Variants in OSMR observed in about 807,000 individuals in gnomAD.
OSMR encodes oncostatin-M-specific receptor subunit beta.
In OSMR, 81 loss-of-function variants were observed where a neutral mutation model predicts 99.9. The ratio of observed to expected loss-of-function variants is 0.81; its 90% CI spans 0.68 to 0.97. The LOEUF is 0.97. OSMR is among the 50% of genes least tolerant of loss of function. OSMR has a pLI of 0.00. For synonymous variants in OSMR, 406 were observed against 410.4 expected (o/e 0.99, Z 0.13); for missense variants, 1,099 against 1,153.4 (o/e 0.95, Z 0.68).
At chr5:38,899,034 C>T (rs1367398178) in intron 7 of OSMR, among the ~76,000 whole-genome samples, 2 of 137,206 alleles carry the variant, frequency 1.5e-5, no homozygotes, top group East Asian at 4.4e-4. Context: ...GATTTTAGCT[C>T]ACTGCAACCT....
intron 2 of OSMR, among the ~76,000 whole-genome samples, chr5:38,873,636 G>A (rs1742562631): frequency 1.3e-5 from 2 of 151,988 alleles, no homozygotes; most frequent in Admixed American, 6.6e-5. Flanking sequence ...CCACATCCTC[G>A]CCAACACTTG....
chr5:38,848,124 A>G (rs1255056843), intron 1 of OSMR, among the ~76,000 whole-genome samples: 2 of 152,178 alleles, frequency 1.3e-5, no homozygotes, highest in Non-Finnish European at 2.9e-5. Context: ...CCTTGTGGGA[A>G]AGGACTGGGG....
intron 16 of OSMR, 42 bp downstream of exon 16, chr5:38,932,006 G>C: frequency 2.2e-6 from 3 of 1,372,506 alleles, no homozygotes; most frequent in Non-Finnish European, 3.1e-6. Context: ...GAGAGTAAGA[G>C]AAAAGTCTGG....
intron 1 of OSMR, among the ~76,000 whole-genome samples, chr5:38,852,468 A>G (rs1044304004): frequency 6.6e-6 from 1 of 152,100 alleles, no homozygotes; most frequent in Non-Finnish European, 1.5e-5. Flanking sequence ...AGGTATTAAG[A>G]CCTTTTTAAA....
At chr5:38,944,019 G>A (rs1053328217) in intron 1 of OSMR, among the ~76,000 whole-genome samples, 7 of 152,088 alleles carry the variant, frequency 4.6e-5, no homozygotes, top group African/African-American at 1.4e-4. Flanking sequence ...GCTTATTTTT[G>A]TGTGGGTTAC....
intron 15 of OSMR, among the ~76,000 whole-genome samples, chr5:38,927,580 G>A (rs998789567): frequency 1.4e-4 from 22 of 152,152 alleles, no homozygotes; most frequent in Admixed American, 2.6e-4. Context: ...GTCCTGAGGC[G>A]GCACAGAGCA....
At chr5:38,882,568 C>G (rs1047035618) in intron 4 of OSMR, among the ~76,000 whole-genome samples, 1 of 151,866 alleles carries the variant, frequency 6.6e-6, no homozygotes, top group African/African-American at 2.4e-5. Flanking sequence ...GGGCAAGATT[C>G]TGTCTCTCAC....
intron 2 of OSMR, among the ~76,000 whole-genome samples, chr5:38,869,318 A>G (rs1011262241): frequency 1.3e-5 from 2 of 152,184 alleles, no homozygotes; most frequent in Non-Finnish European, 2.9e-5. Flanking sequence ...TGGCTCTCTT[A>G]ATAAGCCACC....
chr5:38,890,584 G>A (rs1744086926), intron 7 of OSMR, among the ~76,000 whole-genome samples: 1 of 148,336 alleles, frequency 6.7e-6, no homozygotes, highest in African/African-American at 2.5e-5. Context: ...CAGAGCTGTT[G>A]TAATTTGAAA....
intron 2 of OSMR, chr5:38,944,928 T>G: frequency 6.2e-7 from 1 of 1,614,056 alleles, no homozygotes. Context: ...AACAATTCTG[T>G]GCTTTTGGTG....
chr5:38,881,836 T>C, intron 4 of OSMR, 72 bp downstream of exon 4: 2 of 1,361,224 alleles, frequency 1.5e-6, no homozygotes, highest in Non-Finnish European at 1.1e-6. Context: ...AGTCAAATAG[T>C]GGAAATCTCC....
downstream of OSMR, chr5:38,939,807 G>T (rs1747338922): frequency 4.4e-6 from 1 of 225,044 alleles, no homozygotes; most frequent in Non-Finnish European, 8.9e-6. Flanking sequence ...ATTTATAGAT[G>T]ATTTTCTCAA....
intron 14 of OSMR, 148 bp downstream of exon 14, chr5:38,924,743 T>C (rs1579803423): frequency 4.0e-6 from 3 of 758,128 alleles, no homozygotes; most frequent in East Asian, 5.3e-5. Context: ...TTAAGCAAAT[T>C]AGTAGGGTGA....
intron 1 of OSMR, among the ~76,000 whole-genome samples, chr5:38,848,799 G>A (rs1172963701): frequency 6.6e-6 from 1 of 152,060 alleles, no homozygotes; most frequent in Non-Finnish European, 1.5e-5. Flanking sequence ...TGTGTGAGAT[G>A]GTCTCACTCT....
chr5:38,933,620 C>T lies in OSMR; in HGVS notation c.*176C>T, dbSNP rs1374800776. 3 of 656,506 alleles carry T rather than the reference C, an allele frequency of 4.6e-6. No individual in the cohort carries two copies. Among genetic ancestry groups the T allele is most frequent in the African/African-American group, 3.6e-5 (2 of 55,354 alleles). The allele number at this position is 656,506 out of a possible 1,614,324, so 40.7% of individuals were successfully genotyped here. A position where few individuals can be genotyped will look rare whatever the true frequency, so the allele number is the denominator to read the frequency against. On this transcript the variant is annotated 3_prime_UTR_variant, in exon 18 of 18. Coordinates refer to ENST00000274276, the MANE Select transcript of OSMR (RefSeq NM_003999.3). ...CCAGAGGCTATGGAACTTAACACTC[C>T]CCATTGGAGCAAGCTTGCCCTAGAG...
At chr5:38,896,575 G>C (rs1026953705) in intron 7 of OSMR, among the ~76,000 whole-genome samples, 1 of 151,954 alleles carries the variant, frequency 6.6e-6, no homozygotes, top group African/African-American at 2.4e-5. Context: ...ACAAATATAA[G>C]ATAATATCAT....
At chr5:38,874,455 T>A (rs1238660363) in intron 2 of OSMR, among the ~76,000 whole-genome samples, 1 of 152,220 alleles carries the variant, frequency 6.6e-6, no homozygotes, top group Admixed American at 6.5e-5. Flanking sequence ...AGAATGAGTT[T>A]TCTGAGGTGT....
chr5:38,851,331 G>A (rs186796793), intron 1 of OSMR, among the ~76,000 whole-genome samples: 1 of 152,062 alleles, frequency 6.6e-6, no homozygotes, highest in African/African-American at 2.4e-5. Flanking sequence ...TTAGTAAGTG[G>A]GTGTGTCTTT....
intron 2 of OSMR, among the ~76,000 whole-genome samples, chr5:38,871,478 T>C (rs149012205): frequency 6.6e-6 from 1 of 152,336 alleles, no homozygotes; most frequent in East Asian, 1.9e-4. Flanking sequence ...AAGTACTTAC[T>C]AAACTCCCAC....
Sources: allele counts gnomAD v4.1 joint callset (sites outside exome capture counted in the v4.1 genomes callset), GRCh38; gene constraint gnomAD v4.1.1; transcripts MANE v1.5; gene names NCBI Gene and HGNC (gene_info 2026-07-23, HGNC 2026-07-21).